The following EYS variants were observed in gnomAD, a reference collection of about 807,000 sequenced individuals.
EYS encodes the protein EGF-like photoreceptor maintenance factor.
Under a neutral mutation model 282.1 loss-of-function variants are expected in EYS, and 250 were observed. That is an observed-to-expected ratio of 0.89 (90% CI 0.80 to 0.98). The LOEUF (loss-of-function observed/expected upper bound fraction) is 0.98. EYS is among the 50% of genes least tolerant of loss of function. EYS has a pLI of 0.00. For missense variants in EYS, 4,016 were observed against 3,709.0 expected, an observed-to-expected ratio of 1.08 and a Z score of -2.15; for synonymous variants, 1,355 against 1,282.9, an observed-to-expected ratio of 1.06 and a Z score of -1.20.
intron 2 of EYS, among the ~76,000 whole-genome samples, chr6:65,587,003 C>T (rs952307130): frequency 2.0e-5 from 3 of 151,830 alleles, no homozygotes; most frequent in African/African-American, 7.3e-5. Context: ...GCTTAGAAGA[C>T]AAAGATTATT....
intron 2 of EYS, among the ~76,000 whole-genome samples, chr6:65,541,764 A>G (rs1768177061): frequency 6.6e-6 from 1 of 151,982 alleles, no homozygotes; most frequent in Admixed American, 6.6e-5. Flanking sequence ...GCCCAACAAT[A>G]CTGCTTTAAA....
At chr6:64,892,536 G>C (rs1384346405) in intron 18 of EYS, among the ~76,000 whole-genome samples, 2 of 151,930 alleles carry the variant, frequency 1.3e-5, no homozygotes, top group East Asian at 3.9e-4. Context: ...GTATTTTAAA[G>C]CATTTCTACT....
intron 1 of EYS, among the ~76,000 whole-genome samples, chr6:65,703,338 A>G (rs1342351116): frequency 6.6e-6 from 1 of 152,198 alleles, no homozygotes; most frequent in Non-Finnish European, 1.5e-5. Flanking sequence ...ACATGGATAG[A>G]TAGATATATA....
chr6:65,617,526 T>C (rs1014597073), intron 2 of EYS, among the ~76,000 whole-genome samples: 4 of 151,782 alleles, frequency 2.6e-5, no homozygotes, highest in Non-Finnish European at 1.5e-5. Context: ...AATAAGTTCA[T>C]ATGGTATTAT....
intron 5 of EYS, among the ~76,000 whole-genome samples, chr6:65,411,397 T>C (rs1767005939): frequency 6.6e-6 from 1 of 152,072 alleles, no homozygotes; most frequent in South Asian, 2.1e-4. Flanking sequence ...GAAATAGTAA[T>C]AGATTCATAG....
At chr6:64,176,367 A>T (rs1434312683) in intron 31 of EYS, among the ~76,000 whole-genome samples, 2 of 152,184 alleles carry the variant, frequency 1.3e-5, no homozygotes, top group Non-Finnish European at 2.9e-5. Flanking sequence ...AAAGGCCAGA[A>T]AAAAGGCAAT....
At chr6:64,077,039 G>A (rs1771797230) in intron 32 of EYS, among the ~76,000 whole-genome samples, 2 of 151,860 alleles carry the variant, frequency 1.3e-5, no homozygotes, top group South Asian at 4.1e-4. Flanking sequence ...ATTTGTCTTT[G>A]CTGTCATAAA....
At chr6:64,283,052 T>A (rs1768365586) in intron 30 of EYS, among the ~76,000 whole-genome samples, 1 of 152,188 alleles carries the variant, frequency 6.6e-6, no homozygotes, top group Non-Finnish European at 1.5e-5. Flanking sequence ...GGAAGCTTTC[T>A]GATCTAATAT....
chr6:65,618,531 T>G (rs1021099106), intron 2 of EYS, among the ~76,000 whole-genome samples: 1 of 152,242 alleles, frequency 6.6e-6, no homozygotes, highest in East Asian at 1.9e-4. Context: ...GTAGTTTCTT[T>G]TGCTGTGCAG....
intron 14 of EYS, among the ~76,000 whole-genome samples, chr6:64,988,168 G>A (rs1380344450): frequency 1.3e-5 from 2 of 151,306 alleles, no homozygotes; most frequent in Non-Finnish European, 3.0e-5. Flanking sequence ...CAGGGGAACT[G>A]ACCTAAAAGG....
At chr6:64,819,285 G>C (rs1057023283) in intron 21 of EYS, among the ~76,000 whole-genome samples, 4 of 152,042 alleles carry the variant, frequency 2.6e-5, no homozygotes, top group Non-Finnish European at 1.5e-5. Flanking sequence ...CAATATCTAA[G>C]ATTTACAGAA....
intron 29 of EYS, among the ~76,000 whole-genome samples, chr6:64,361,309 G>A (rs555052230): frequency 2.0e-5 from 3 of 151,560 alleles, no homozygotes; most frequent in South Asian, 2.1e-4. Context: ...ACTGCTGTCC[G>A]GAAAATTCAT....
chr6:63,889,400 G>T (rs1404146163), intron 35 of EYS, among the ~76,000 whole-genome samples: 2 of 152,116 alleles, frequency 1.3e-5, no homozygotes, highest in Non-Finnish European at 2.9e-5. Flanking sequence ...CCACAAAGGA[G>T]AGCCCATTAG....
intron 26 of EYS, among the ~76,000 whole-genome samples, chr6:64,586,990 A>G (rs1766253910): frequency 6.6e-6 from 1 of 152,116 alleles, no homozygotes; most frequent in African/African-American, 2.4e-5. Flanking sequence ...TTTGTATGTT[A>G]AATTAAATCA....
intron 37 of EYS, among the ~76,000 whole-genome samples, chr6:63,799,675 A>G (rs536183781): frequency 4.6e-5 from 7 of 152,368 alleles, no homozygotes; most frequent in African/African-American, 1.7e-4. Flanking sequence ...AATTGCTGCT[A>G]TTCTAATGCT....
At chr6:63,945,452 T>A (rs1362081434) in intron 35 of EYS, among the ~76,000 whole-genome samples, 2 of 152,124 alleles carry the variant, frequency 1.3e-5, no homozygotes, top group East Asian at 3.9e-4. Flanking sequence ...CCAAACCATA[T>A]CAGCCATATA....
intron 28 of EYS, among the ~76,000 whole-genome samples, chr6:64,417,586 C>T (rs1274476433): frequency 6.6e-6 from 1 of 150,832 alleles, no homozygotes; most frequent in South Asian, 2.1e-4. Flanking sequence ...TAGTTGCATA[C>T]TAGTTATTAT....
At chr6:63,895,332 G>C (rs1316423418) in intron 35 of EYS, among the ~76,000 whole-genome samples, 2 of 152,030 alleles carry the variant, frequency 1.3e-5, no homozygotes, top group Non-Finnish European at 2.9e-5. Flanking sequence ...AGAGAAAATG[G>C]AGGCAATAAT....
rs562051279 is a variant in EYS at position 64,596,572 on chromosome 6, C to G, written c.3685-3263G>C. On this transcript the variant is annotated intron_variant, in intron 24 of 42. Transcript: ENST00000503581. Reference sequence around the variant, plus strand: ...AAGAGATAGATTCACATATTCACAGCTAGCTGATTTTTGATAGAGATACCA... The same window carrying G: ...AAGAGATAGATTCACATATTCACAGGTAGCTGATTTTTGATAGAGATACCA... Among the ~76,000 whole-genome samples the G allele has an allele frequency of 3.3e-5, 5 of 152,216 alleles. No individual in the cohort carries two copies. The South Asian group carries it at 8.3e-4, about 25-fold the overall frequency.
Sources: allele counts gnomAD v4.1 joint callset (sites outside exome capture counted in the v4.1 genomes callset), GRCh38; gene constraint gnomAD v4.1.1; transcripts MANE v1.5; gene names NCBI Gene and HGNC (gene_info 2026-07-23, HGNC 2026-07-21).